The following FMN1 variants were observed in gnomAD, a reference collection of about 807,000 sequenced individuals.
The protein encoded by FMN1 is formin-1.
A neutral mutation model predicts 132.4 loss-of-function variants in FMN1; 110 were observed. The ratio of observed to expected loss-of-function variants is 0.83; its 90% confidence interval spans 0.71 to 0.97. The LOEUF is 0.97. Ranked by LOEUF, FMN1 falls within the 50% of genes least tolerant of loss-of-function variation. The pLI is 0.00. For synonymous variants in FMN1, 722 were observed against 651.7 expected, an observed-to-expected ratio of 1.11 and a Z score of -1.64; for missense variants, 1,792 against 1,705.3, an observed-to-expected ratio of 1.05 and a Z score of -0.90.
In FMN1 at chr15:32,964,107, C is replaced by T. The variant is rs749920246; in HGVS notation, c.3138G>A (p.Lys1046=). 1.2e-6 allele frequency: 2 copies of T among 1,609,888 alleles called. No homozygotes were observed. Among genetic ancestry groups the T allele is most frequent in the Admixed American group, 1.7e-5 (1 of 59,430 alleles). ...CAGCTTTGCCATAATCACTCAGTACCTTTTTGACCTTGTTTTTCTTCTCAT... is the reference window on the plus strand; with the variant it reads ...CAGCTTTGCCATAATCACTCAGTACTTTTTTGACCTTGTTTTTCTTCTCAT... ...ETYEKKNKVK[K]IIKLLDGKRS... The change falls in exon 9 of 21, where the codon AAG becomes AAA. Residue 1046 remains lysine, a splice_region_variant and synonymous_variant. Transcript: ENST00000616417.
At chr15:33,181,796 C>T (rs1193658286) in intron 2 of FMN1, among the ~76,000 whole-genome samples, 1 of 149,062 alleles carries the variant, frequency 6.7e-6, no homozygotes, top group Non-Finnish European at 1.5e-5. Context: ...GCAACCTCTG[C>T]CTCTCAGGTT....
intron 19 of FMN1, among the ~76,000 whole-genome samples, chr15:32,778,713 G>T (rs968535348): frequency 6.6e-6 from 1 of 152,142 alleles, no homozygotes; most frequent in South Asian, 2.1e-4. Flanking sequence ...TGATGTGATT[G>T]TAGAATTACA....
intron 4 of FMN1, among the ~76,000 whole-genome samples, chr15:33,099,253 T>C (rs991030176): frequency 6.6e-6 from 1 of 152,194 alleles, no homozygotes; most frequent in Non-Finnish European, 1.5e-5. Context: ...ATCGTGCCAT[T>C]GCACTTCAAC....
intron 17 of FMN1, among the ~76,000 whole-genome samples, chr15:32,810,630 G>A (rs17816399): frequency 0.024 from 3,606 of 152,164 alleles, 45 homozygotes; most frequent in African/African-American, 0.039. Context: ...CCAAATAACC[G>A]AAGTTTTTAT....
intron 6 of FMN1, among the ~76,000 whole-genome samples, chr15:33,033,447 C>A (rs1175315614): frequency 1.3e-5 from 2 of 152,126 alleles, no homozygotes; most frequent in African/African-American, 4.8e-5. Flanking sequence ...AGGTGGTTGT[C>A]CACTTTCCTA....
chr15:32,967,613 T>G (rs146025980), intron 8 of FMN1, among the ~76,000 whole-genome samples: 2 of 152,346 alleles, frequency 1.3e-5, no homozygotes, highest in Non-Finnish European at 2.9e-5. Flanking sequence ...TTACAAAGTA[T>G]AATTGAATTT....
At chr15:33,032,938 T>G (rs2036005448) in intron 6 of FMN1, among the ~76,000 whole-genome samples, 1 of 152,152 alleles carries the variant, frequency 6.6e-6, no homozygotes, top group Non-Finnish European at 1.5e-5. Context: ...TTAGAGTTAT[T>G]AAGTATTTGT....
intron 6 of FMN1, among the ~76,000 whole-genome samples, chr15:33,017,379 T>C (rs541965714): frequency 1.3e-5 from 2 of 151,730 alleles, no homozygotes; most frequent in African/African-American, 4.8e-5. Flanking sequence ...ATGCTAATAC[T>C]AAGGGAAAGT....
At chr15:33,186,455 C>T in intron 2 of FMN1, among the ~76,000 whole-genome samples, 1 of 151,776 alleles carries the variant, frequency 6.6e-6, no homozygotes, top group Non-Finnish European at 1.5e-5. Flanking sequence ...AGTGACCCTG[C>T]TACAAAACAG....
intron 6 of FMN1, among the ~76,000 whole-genome samples, chr15:33,054,409 A>G (rs1282473356): frequency 6.6e-6 from 1 of 152,202 alleles, no homozygotes; most frequent in Non-Finnish European, 1.5e-5. Context: ...GTCCTCAACT[A>G]TGACTATGGC....
intron 16 of FMN1, among the ~76,000 whole-genome samples, chr15:32,863,875 C>A (rs753933220): frequency 6.6e-6 from 1 of 152,156 alleles, no homozygotes; most frequent in Non-Finnish European, 1.5e-5. Context: ...GCTTAACTTG[C>A]ACAATTTTCT....
At chr15:33,041,078 A>C (rs1236735378) in intron 6 of FMN1, among the ~76,000 whole-genome samples, 3 of 152,194 alleles carry the variant, frequency 2.0e-5, no homozygotes, top group Non-Finnish European at 2.9e-5. Flanking sequence ...GACCAAATAA[A>C]ACTCATGTCA....
In FMN1 at chr15:32,957,006, C is replaced by G. The variant is rs995487572; in HGVS notation, c.3138+7101G>C. 2.0e-5 allele frequency among the ~76,000 whole-genome samples: 3 copies of G among 152,142 alleles called. No homozygotes were observed. In the East Asian group the frequency reaches 5.8e-4, roughly 29 times the overall value. Reference sequence around the variant, plus strand: ...GGCTTTTGGCACCACAAAATTTCAACAGACTAGTATCTGCTGAACCATCAC... The same window carrying G: ...GGCTTTTGGCACCACAAAATTTCAAGAGACTAGTATCTGCTGAACCATCAC... On this transcript the variant is annotated intron_variant, in intron 9 of 20. Coordinates refer to ENST00000616417, the MANE Select transcript of FMN1 (RefSeq NM_001277313.2).
At chr15:32,897,191 TG>T (rs556677923) in intron 15 of FMN1, among the ~76,000 whole-genome samples, 145 of 152,344 alleles carry the variant, frequency 9.5e-4, no homozygotes, top group Non-Finnish European at 1.8e-3. Flanking sequence ...TTAGTGATGT[TG>T]GCACCTGTTG....
rs79388119 is a variant in FMN1, at chr15:33,159,636, G to C, written c.-131-4591C>G. Among the ~76,000 whole-genome samples the C allele has an allele frequency of 9.1e-3, 1,381 of 152,312 alleles. 22 individuals carry two copies. Among genetic ancestry groups the C allele is most frequent in the African/African-American group, 0.032 (1,318 of 41,568 alleles). On this transcript the variant is annotated intron_variant, in intron 3 of 20. Transcript: ENST00000616417. The stretch of plus-strand genomic sequence containing the variant: ...ACACTCTAAAAGTAAATGGTAACAA[G>C]CAGGTTGATGAGGAAGACCAGGCTT...
At chr15:33,052,865 G>C (rs1006034038) in intron 6 of FMN1, among the ~76,000 whole-genome samples, 1 of 152,016 alleles carries the variant, frequency 6.6e-6, no homozygotes, top group African/African-American at 2.4e-5. Flanking sequence ...CCACCTTTGA[G>C]TGGTGTCTTT....
rs112974531 is a variant in FMN1, at chr15:33,180,268, T to TAAAAA, written c.-196-11_-196-7dup. ...AAAACGTGATGCCACCAGGCCTGTGTAAAAAAAAAAAAAAAAATCAAGGCT... is the reference window on the plus strand; with the variant it reads ...AAAACGTGATGCCACCAGGCCTGTGTAAAAAAAAAAAAAAAAAAAAAATCAAGGCT... On this transcript the variant is annotated splice_region_variant and splice_polypyrimidine_tract_variant and intron_variant, in intron 2 of 20. Transcript: ENST00000616417. The TAAAAA allele has an allele frequency of 1.2e-4, 17 of 136,240 alleles. No homozygotes were observed. Among genetic ancestry groups the TAAAAA allele is most frequent in the African/African-American group, 4.5e-4 (17 of 37,900 alleles). 8.4% of individuals were successfully genotyped at this position (136,240 alleles called of 1,614,324 possible).
chr15:33,052,443 A>C (rs910111349), intron 6 of FMN1, among the ~76,000 whole-genome samples: 2 of 152,190 alleles, frequency 1.3e-5, no homozygotes, highest in Non-Finnish European at 2.9e-5. Context: ...AAACAAATAC[A>C]CAAAAAGGAA....
intron 8 of FMN1, among the ~76,000 whole-genome samples, chr15:32,966,389 T>C (rs2031229574): frequency 6.6e-6 from 1 of 151,958 alleles, no homozygotes. Context: ...CAGCATTTGG[T>C]AGGGCAATAA....
Sources: allele counts gnomAD v4.1 joint callset (sites outside exome capture counted in the v4.1 genomes callset), GRCh38; gene constraint gnomAD v4.1.1; transcripts MANE v1.5; gene names NCBI Gene and HGNC (gene_info 2026-07-23, HGNC 2026-07-21).